Variants in TPH2 observed in about 807,000 individuals in gnomAD.
The protein encoded by TPH2 is tryptophan hydroxylase 2.
TPH2 carries 27 observed loss-of-function variants against 59.1 expected under a neutral mutation model. The ratio of observed to expected loss-of-function variants is 0.46; its 90% CI spans 0.34 to 0.63. The LOEUF is 0.63. TPH2 is among the 30% of genes least tolerant of loss of function. The pLI is 0.01. For synonymous variants in TPH2, 220 were observed against 210.5 expected (o/e 1.05, Z -0.39); for missense variants, 523 against 588.3 (o/e 0.89, Z 1.15).
chr12:71,956,829 C>T (rs1170598153), intron 5 of TPH2, among the ~76,000 whole-genome samples: 3 of 151,970 alleles, frequency 2.0e-5, no homozygotes, highest in Admixed American at 2.0e-4. Context: ...AGGCTGGTCT[C>T]AGACTCTTGG....
intron 5 of TPH2, among the ~76,000 whole-genome samples, chr12:71,960,547 C>T (rs1018010077): frequency 6.6e-6 from 1 of 152,174 alleles, no homozygotes; most frequent in African/African-American, 2.4e-5. Context: ...CTGAGAGTTG[C>T]AAAGAAAGAC....
intron 8 of TPH2, among the ~76,000 whole-genome samples, chr12:71,999,705 T>C (rs1036201564): frequency 1.3e-5 from 2 of 152,230 alleles, no homozygotes; most frequent in East Asian, 3.8e-4. Flanking sequence ...AGAATGTATA[T>C]ATTATGCTAA....
chr12:71,964,723 T>C (rs1283873331), intron 5 of TPH2: 2 of 985,308 alleles, frequency 2.0e-6, no homozygotes, highest in Non-Finnish European at 1.2e-6. Flanking sequence ...ACACCTCAGT[T>C]GTGAGACATG....
At chr12:71,977,649 CA>C (rs1872158609) in intron 6 of TPH2, among the ~76,000 whole-genome samples, 1 of 152,158 alleles carries the variant, frequency 6.6e-6, no homozygotes. Flanking sequence ...TTCCCCTCAT[CA>C]ACATTATGAC....
chr12:71,948,412 T>C (rs1871255156), intron 4 of TPH2, among the ~76,000 whole-genome samples: 1 of 152,158 alleles, frequency 6.6e-6, no homozygotes, highest in Non-Finnish European at 1.5e-5. Flanking sequence ...TCTCTTGTCA[T>C]TCCTGAAAGA....
chr12:72,028,768 C>T (rs183216933), intron 9 of TPH2, among the ~76,000 whole-genome samples: 167 of 152,290 alleles, frequency 1.1e-3, no homozygotes, highest in African/African-American at 3.5e-3. Context: ...GCATATCACA[C>T]GCATAGCAGA....
At chr12:72,018,122 G>A (rs1324068924) in intron 8 of TPH2, among the ~76,000 whole-genome samples, 2 of 152,224 alleles carry the variant, frequency 1.3e-5, no homozygotes, top group Non-Finnish European at 2.9e-5. Flanking sequence ...AGAATGGGCT[G>A]TAGAAACAGC....
At chr12:72,002,562 T>C (rs1238151444) in intron 8 of TPH2, among the ~76,000 whole-genome samples, 1 of 152,172 alleles carries the variant, frequency 6.6e-6, no homozygotes, top group Non-Finnish European at 1.5e-5. Context: ...ATACAAATCT[T>C]AGAAACAAAA....
At chr12:71,981,981 GC>G (rs1211701513) in intron 7 of TPH2, among the ~76,000 whole-genome samples, 3 of 128,490 alleles carry the variant, frequency 2.3e-5, no homozygotes, top group African/African-American at 9.0e-5. Flanking sequence ...GTTTTTACAA[GC>G]CCTTTATTTT....
At chr12:72,002,598 A>G (rs767288040) in intron 8 of TPH2, among the ~76,000 whole-genome samples, 1 of 152,206 alleles carries the variant, frequency 6.6e-6, no homozygotes, top group Non-Finnish European at 1.5e-5. Flanking sequence ...AAGAAAATAC[A>G]TTATACGGTC....
chr12:72,024,564 CTT>C (rs1873517686), intron 9 of TPH2, among the ~76,000 whole-genome samples: 1 of 152,176 alleles, frequency 6.6e-6, no homozygotes, highest in Admixed American at 6.5e-5. Context: ...TAGAGTGTTT[CTT>C]GATTTCCCTG....
intron 2 of TPH2, among the ~76,000 whole-genome samples, chr12:71,942,153 G>A (rs1441149919): frequency 6.6e-6 from 1 of 152,138 alleles, no homozygotes; most frequent in African/African-American, 2.4e-5. Flanking sequence ...CATGAATATA[G>A]GCACACGGTA....
intron 8 of TPH2, among the ~76,000 whole-genome samples, chr12:72,002,742 A>G (rs1467085488): frequency 6.7e-6 from 1 of 148,632 alleles, no homozygotes; most frequent in African/African-American, 2.5e-5. Context: ...CCAGACCATC[A>G]CCTATTTTAT....
intron 4 of TPH2, 28 bp downstream of exon 4, chr12:71,944,714 A>C (rs1236554349): frequency 6.3e-7 from 1 of 1,599,372 alleles, no homozygotes; most frequent in South Asian, 1.1e-5. Flanking sequence ...TCTATTTCTC[A>C]CATGCTCTTT....
chr12:71,983,205 T>C (rs750719653), intron 7 of TPH2, among the ~76,000 whole-genome samples: 1 of 152,212 alleles, frequency 6.6e-6, no homozygotes, highest in African/African-American at 2.4e-5. Context: ...TATGCATTAA[T>C]GCCTGGATTG....
At chr12:71,994,794 G>T (rs769826493) in intron 8 of TPH2, among the ~76,000 whole-genome samples, 14 of 152,132 alleles carry the variant, frequency 9.2e-5, no homozygotes, top group Non-Finnish European at 1.9e-4. Flanking sequence ...GAGATAAAGG[G>T]CTAGATAGTA....
chr12:71,993,252 A>T (rs900073478), intron 7 of TPH2, among the ~76,000 whole-genome samples: 1 of 152,232 alleles, frequency 6.6e-6, no homozygotes, highest in Non-Finnish European at 1.5e-5. Flanking sequence ...CTGTGTGACC[A>T]TCCAACATAC....
At position 72,031,639 on chromosome 12, in the gene TPH2, G is replaced by A. The variant is rs147025898; in HGVS notation, c.1417G>A (p.Asp473Asn). ...AAATGTGGTGCAGGACCTTCGCAGC[G>A]ACTTGAATACAGTGTGTGATGCTTT... ...IENVVQDLRS[D>N]LNTVCDALNK... The change falls in exon 11 of 11, where the codon GAC becomes AAC. Residue 473 changes from aspartate (D) to asparagine (N), a missense_variant. Transcript: ENST00000333850. 161 of 1,613,590 alleles carry A rather than the reference G, an allele frequency of 1.0e-4. 1 individual carries two copies. Among genetic ancestry groups the A allele is most frequent in the Non-Finnish European group, 3.8e-5 (45 of 1,179,590 alleles).
At chr12:71,994,352 G>T (rs1010849632) in intron 7 of TPH2, 87 bp from the exon 8 acceptor site, 32 of 1,431,758 alleles carry the variant, frequency 2.2e-5, no homozygotes, top group Non-Finnish European at 3.1e-5. Context: ...CAGTGACAAG[G>T]TCTTATTTAG....
Sources: gnomAD v4.1 joint callset for allele counts (sites outside exome capture counted in the v4.1 genomes callset) on GRCh38, gnomAD v4.1.1 for gene constraint, MANE v1.5 for transcripts, NCBI Gene and HGNC (gene_info 2026-07-23, HGNC 2026-07-21) for gene names.